Variants in ZNF516 observed in about 807,000 individuals in gnomAD.
ZNF516 encodes zinc finger protein 516.
In ZNF516, 19 loss-of-function variants were observed where a neutral mutation model predicts 79.7. The ratio of observed to expected loss-of-function variants is 0.24; its 90% CI spans 0.17 to 0.35. ZNF516 has a LOEUF of 0.35. Ranked by LOEUF, ZNF516 falls within the 10% of genes least tolerant of loss-of-function variation. The pLI, the probability that ZNF516 is intolerant of heterozygous loss-of-function variation, is 1.00. For synonymous variants in ZNF516, 877 were observed against 739.5 expected (o/e 1.19, Z -3.02); for missense variants, 1,678 against 1,679.5 (o/e 1.00, Z 0.02).
chr18:76,366,632 G>A (rs553776492), intron 6 of ZNF516, among the ~76,000 whole-genome samples: 8 of 152,202 alleles, frequency 5.3e-5, no homozygotes, highest in Non-Finnish European at 8.8e-5. Flanking sequence ...CTACACGGGC[G>A]TAAGTATGTG....
chr18:76,369,461 T>G (rs2074667748), intron 6 of ZNF516, among the ~76,000 whole-genome samples: 1 of 152,200 alleles, frequency 6.6e-6, no homozygotes, highest in African/African-American at 2.4e-5. Context: ...TCAGGTAATG[T>G]CAATTCTACA....
Position 76,451,876 on chromosome 18 carries a change from A to C in ZNF516, c.-157-8665T>G. 6.6e-6 allele frequency among the ~76,000 whole-genome samples: 1 copy of C among 152,244 alleles called. No homozygotes were observed. Among genetic ancestry groups the C allele is most frequent in the Middle Eastern group, 3.4e-3 (1 of 294 alleles). Reference sequence around the variant, plus strand: ...CAATGAAGAGTTCCTCTCCCTACAAACCATTCTGTACACCAGTAACAATTA... The same window carrying C: ...CAATGAAGAGTTCCTCTCCCTACAACCCATTCTGTACACCAGTAACAATTA... On this transcript the variant is annotated intron_variant, in intron 2 of 6. Transcript: ENST00000443185. The surrounding 1 kb of genome is among the most constrained non-coding windows in gnomAD (Gnocchi z 6.0).
chr18:76,415,730 T>C (rs2075425185), intron 3 of ZNF516, among the ~76,000 whole-genome samples: 2 of 152,260 alleles, frequency 1.3e-5, no homozygotes, highest in South Asian at 4.1e-4. Flanking sequence ...CTCTCTCACT[T>C]CAACTGCATA....
chr18:76,365,734 G>A (rs563201523), intron 6 of ZNF516, among the ~76,000 whole-genome samples: 22 of 152,276 alleles, frequency 1.4e-4, no homozygotes, highest in Middle Eastern at 3.4e-3. Flanking sequence ...GCCACCGCCG[G>A]GCTGGAAGAA....
At chr18:76,458,128 G>A (rs1455159620) in intron 2 of ZNF516, among the ~76,000 whole-genome samples, 1 of 152,182 alleles carries the variant, frequency 6.6e-6, no homozygotes, top group African/African-American at 2.4e-5. Flanking sequence ...AAGTGCCACG[G>A]TAGGTCCTCA....
chr18:76,445,257 C>CAA (rs35777753), intron 2 of ZNF516, among the ~76,000 whole-genome samples: 122 of 139,332 alleles, frequency 8.8e-4, no homozygotes, highest in South Asian at 1.8e-3. Context: ...ACTCCATCTC[C>CAA]AAAAAAAAAA....
chr18:76,374,855 AGAG>A (rs552891841), intron 4 of ZNF516, among the ~76,000 whole-genome samples: 42 of 152,342 alleles, frequency 2.8e-4, no homozygotes, highest in African/African-American at 9.9e-4. Flanking sequence ...TGCGGTGAGA[AGAG>A]AAGACCAGAA....
chr18:76,433,840 A>G (rs2075694862), intron 3 of ZNF516, among the ~76,000 whole-genome samples: 1 of 152,170 alleles, frequency 6.6e-6, no homozygotes, highest in Non-Finnish European at 1.5e-5. Context: ...CATCAGTCGG[A>G]ATGACTAGAA....
At position 76,459,293 on chromosome 18, in the gene ZNF516, C is replaced by G. The variant is rs1177705738; in HGVS notation, c.-158+3735G>C. 1.3e-5 allele frequency among the ~76,000 whole-genome samples: 2 copies of G among 152,200 alleles called. No homozygotes were observed. The highest frequency in any genetic ancestry group is 2.9e-5 in the Non-Finnish European group (2 of 68,040). ...GCTGGAGGCACACTGGACCCAGTGC[C>G]AGCTCGGGAAATCCTGGGCCGGTGA... On this transcript the variant is annotated intron_variant, in intron 2 of 6. Coordinates refer to ENST00000443185, the MANE Select transcript of ZNF516 (RefSeq NM_014643.4). The surrounding 1 kb of genome is among the most constrained non-coding windows in gnomAD (Gnocchi z 5.0).
chr18:76,395,553 G>A (rs970536783), intron 3 of ZNF516, among the ~76,000 whole-genome samples: 1 of 152,138 alleles, frequency 6.6e-6, no homozygotes, highest in African/African-American at 2.4e-5. Flanking sequence ...TTAAGCACAG[G>A]CAGCCTCAGG....
chr18:76,462,177 A>G (rs1412291410), intron 2 of ZNF516, among the ~76,000 whole-genome samples: 1 of 152,074 alleles, frequency 6.6e-6, no homozygotes, highest in Non-Finnish European at 1.5e-5. Flanking sequence ...ACACACTTCC[A>G]CGCCAGAGGC....
rs149387000 is a variant in ZNF516 at position 76,473,135 on chromosome 18, G to A, written c.-271-9994C>T. On this transcript the variant is annotated intron_variant, in intron 1 of 6. Transcript: ENST00000443185. ...CAAAAGCATTATATGCTTTCTATAT[G>A]CTTTCTGATTTTAATAATTAAAGGA... Among the ~76,000 whole-genome samples, 314 of 152,058 alleles carry A rather than the reference G, an allele frequency of 2.1e-3. 1 individual carries two copies. The highest frequency in any genetic ancestry group is 0.01 in the Middle Eastern group (3 of 294).
chr18:76,375,782 G>A (rs1331321263), intron 4 of ZNF516, among the ~76,000 whole-genome samples: 1 of 145,444 alleles, frequency 6.9e-6, no homozygotes, highest in Non-Finnish European at 1.5e-5. Flanking sequence ...TGGATGGGAA[G>A]GCCCCAAAGA....
chr18:76,398,236 A>G (rs74684770), intron 3 of ZNF516, among the ~76,000 whole-genome samples: 2,258 of 152,286 alleles, frequency 0.015, 59 homozygotes, highest in African/African-American at 0.052. Flanking sequence ...CACCTTACAC[A>G]CCTTCCTTCG....
intron 1 of ZNF516, among the ~76,000 whole-genome samples, chr18:76,478,217 G>A (rs546434204): frequency 2.0e-5 from 3 of 152,252 alleles, no homozygotes; most frequent in African/African-American, 4.8e-5. Context: ...GGAGAGGAGA[G>A]GTATGTAAAA....
chr18:76,442,007 A>T lies in ZNF516; in HGVS notation c.1048T>A (p.Leu350Met). 1.2e-6 allele frequency: 2 copies of T among 1,613,720 alleles called. No homozygotes were observed. Among genetic ancestry groups the T allele is most frequent in the Non-Finnish European group, 1.7e-6 (2 of 1,179,852 alleles). ...CGGTGGATGGCATTGTGGGCGTTCA[A>T]GCTGTCCAGGTTTGTAAACAGGTTC... ...CGNLFTNLDS[L>M]NAHNAIHRRV... The change falls in exon 3 of 7, where the codon TTG becomes ATG. Residue 350 changes from leucine (L) to methionine (M), a missense_variant. Leu to Met is a conservative substitution (Grantham distance 15, BLOSUM62 2). Coordinates refer to ENST00000443185, the MANE Select transcript of ZNF516 (RefSeq NM_014643.4).
chr18:76,490,874 C>T (rs2145834915), intron 1 of ZNF516: 6 of 985,524 alleles, frequency 6.1e-6, no homozygotes, highest in Non-Finnish European at 7.2e-6. Flanking sequence ...CCAACGCCCA[C>T]GGGCACATCT....
intron 3 of ZNF516, among the ~76,000 whole-genome samples, chr18:76,384,480 C>G (rs1249617730): frequency 7.4e-6 from 1 of 134,388 alleles, no homozygotes; most frequent in Non-Finnish European, 1.6e-5. Context: ...ACCCGCACAC[C>G]TTTCTCCATG....
intron 3 of ZNF516, among the ~76,000 whole-genome samples, chr18:76,430,990 C>T (rs1429618343): frequency 6.6e-6 from 1 of 152,210 alleles, no homozygotes; most frequent in Non-Finnish European, 1.5e-5. Context: ...GTCTTACTTT[C>T]TAACCTTTAA....
Sources: allele counts gnomAD v4.1 joint callset (sites outside exome capture counted in the v4.1 genomes callset), GRCh38; gene constraint gnomAD v4.1.1; non-coding constraint Gnocchi (gnomAD v3.1); transcripts MANE v1.5; gene names NCBI Gene and HGNC (gene_info 2026-07-23, HGNC 2026-07-21).